Variants in CMTM7 observed in about 807,000 individuals in gnomAD.
The protein encoded by CMTM7 is CKLF like MARVEL transmembrane domain containing 7, also known as CKLF-like MARVEL transmembrane domain-containing protein 7.
Under a neutral mutation model 19.3 loss-of-function variants are expected in CMTM7, and 7 were observed. The ratio of observed to expected loss-of-function variants is 0.36; its 90% CI spans 0.21 to 0.68. The LOEUF is 0.68. Among genes scored for constraint, CMTM7 ranks in the 30% least tolerant of loss-of-function variants. The probability of loss-of-function intolerance (pLI) is 0.60; values close to 1 mark genes in which losing one functional copy is unlikely to be tolerated. For missense variants in CMTM7, 193 were observed against 232.6 expected (o/e 0.83, Z 1.11); for synonymous variants, 87 against 99.3 (o/e 0.88, Z 0.74).
chr3:32,396,509 AAAC>A (rs899721361), intron 1 of CMTM7, among the ~76,000 whole-genome samples: 12 of 152,140 alleles, frequency 7.9e-5, no homozygotes, highest in East Asian at 1.9e-4. Context: ...TCCGTCACAA[AAAC>A]AACAACAACA....
At chr3:32,401,516 C>T (rs959159707) in intron 1 of CMTM7, among the ~76,000 whole-genome samples, 2 of 152,258 alleles carry the variant, frequency 1.3e-5, no homozygotes, top group Non-Finnish European at 2.9e-5. Flanking sequence ...ACCCTGGAAT[C>T]CTAGGGGATT....
intron 2 of CMTM7, among the ~76,000 whole-genome samples, chr3:32,442,498 CAAAAAAAAAA>C (rs59568281): frequency 1.6e-4 from 13 of 80,044 alleles, no homozygotes; most frequent in South Asian, 5.4e-4. Flanking sequence ...AGACTCCTCT[CAAAAAAAAAA>C]AAAAAAAAAA....
chr3:32,430,736 C>G (rs1303732248), intron 1 of CMTM7, among the ~76,000 whole-genome samples: 2 of 97,668 alleles, frequency 2.0e-5, no homozygotes, highest in Non-Finnish European at 4.6e-5. Context: ...CCTGATGACC[C>G]TTTGCTTCTG....
chr3:32,401,230 C>T (rs979395675), intron 1 of CMTM7, among the ~76,000 whole-genome samples: 1 of 152,238 alleles, frequency 6.6e-6, no homozygotes, highest in Non-Finnish European at 1.5e-5. Context: ...TCCACTCTTG[C>T]GGAAGGCCTT....
At chr3:32,408,178 G>A (rs567777618) in intron 1 of CMTM7, among the ~76,000 whole-genome samples, 108 of 152,312 alleles carry the variant, frequency 7.1e-4, no homozygotes, top group Non-Finnish European at 1.2e-3. Flanking sequence ...CTGCTGATGC[G>A]TTGACTTCAG....
chr3:32,454,060 G>A (rs1260607744), intron 4 of CMTM7, among the ~76,000 whole-genome samples, 181 bp from the exon 5 acceptor site: 2 of 152,290 alleles, frequency 1.3e-5, no homozygotes, highest in East Asian at 1.9e-4. Context: ...CTGCACTACC[G>A]AAGTTTTTTC....
chr3:32,425,054 G>T (rs1317449565), intron 1 of CMTM7, among the ~76,000 whole-genome samples: 1 of 152,196 alleles, frequency 6.6e-6, no homozygotes, highest in African/African-American at 2.4e-5. Context: ...AGACCTTGCA[G>T]CCAGATGGAA....
At chr3:32,400,582 G>C (rs141917999) in intron 1 of CMTM7, among the ~76,000 whole-genome samples, 6 of 151,544 alleles carry the variant, frequency 4.0e-5, no homozygotes, top group African/African-American at 1.5e-4. Flanking sequence ...TAGTAGAGAC[G>C]GGGTTTCACC....
At chr3:32,422,061 C>T (rs1389541961) in intron 1 of CMTM7, among the ~76,000 whole-genome samples, 2 of 152,162 alleles carry the variant, frequency 1.3e-5, no homozygotes, top group Non-Finnish European at 2.9e-5. Context: ...GTTTGGCCTT[C>T]CTTCCTCTGA....
chr3:32,395,910 A>G lies in CMTM7; in HGVS notation c.159+3845A>G, dbSNP rs746538590. On this transcript the variant is annotated intron_variant, in intron 1 of 4. Coordinates refer to ENST00000334983, the MANE Select transcript of CMTM7 (RefSeq NM_138410.4). ...TCAAATGATGAATGTATAAACAGCA[A>G]CTAAAACTAAGTGCTACATTCATAC... Among the ~76,000 whole-genome samples the G allele has an allele frequency of 3.0e-4, 46 of 152,296 alleles. No individual in the cohort carries two copies. The East Asian group carries it at 5.2e-3, about 17-fold the overall frequency.
rs1696881049 is a variant in CMTM7 at position 32,454,457 on chromosome 3, CG to C, written c.*207del. The stretch of plus-strand genomic sequence containing the variant: ...GCCGGAAACTCTTCCTCCAGCCTTC[CG>C]GGGAGAACATCCCTCCCATTCTGGG... On this transcript the variant is annotated 3_prime_UTR_variant, in exon 5 of 5. Coordinates refer to ENST00000334983, the MANE Select transcript of CMTM7 (RefSeq NM_138410.4). 2 of 713,032 alleles carry C rather than the reference CG, an allele frequency of 2.8e-6. No individual in the cohort carries two copies. The highest frequency in any genetic ancestry group is 4.0e-5 in the Admixed American group (2 of 49,928). 44.2% of individuals were successfully genotyped at this position (713,032 alleles called of 1,614,324 possible). A position where few individuals can be genotyped will look rare whatever the true frequency, so the allele number is the denominator to read the frequency against.
intron 1 of CMTM7, among the ~76,000 whole-genome samples, chr3:32,410,627 A>G (rs997906256): frequency 6.6e-6 from 1 of 151,382 alleles, no homozygotes; most frequent in Non-Finnish European, 1.5e-5. Context: ...GAAAAGTCAC[A>G]GAGAGGCTAG....
intron 1 of CMTM7, among the ~76,000 whole-genome samples, chr3:32,436,516 C>G (rs546344282): frequency 5.3e-5 from 8 of 152,330 alleles, no homozygotes; most frequent in African/African-American, 1.9e-4. Context: ...ACTTTCTGAA[C>G]AAGCCTGGCT....
chr3:32,439,109 A>G (rs796405783), intron 1 of CMTM7, among the ~76,000 whole-genome samples: 60 of 152,362 alleles, frequency 3.9e-4, no homozygotes, highest in African/African-American at 1.4e-3. Flanking sequence ...AGCCCTGGCG[A>G]TCATGCACAC....
chr3:32,410,032 G>A (rs185041662), intron 1 of CMTM7, among the ~76,000 whole-genome samples: 2 of 152,106 alleles, frequency 1.3e-5, no homozygotes, highest in Non-Finnish European at 2.9e-5. Flanking sequence ...GTATTTTATA[G>A]TGAGGAAACA....
intron 1 of CMTM7, among the ~76,000 whole-genome samples, chr3:32,402,594 A>T (rs886999966): frequency 6.6e-6 from 1 of 152,146 alleles, no homozygotes; most frequent in African/African-American, 2.4e-5. Context: ...ACAGAGTCTC[A>T]CTTTGTCGCC....
Position 32,441,923 on chromosome 3 carries a change from C to G in CMTM7, c.243C>G (p.Thr81=). 6.2e-7 allele frequency: 1 copy of G among 1,614,178 alleles called. No individual in the cohort carries two copies. The highest frequency in any genetic ancestry group is 2.2e-5 in the East Asian group (1 of 44,872). The part of the protein sequence containing the change: ...YSAYSYFEVV[T]ICDLIMILAF... ...CCTACAGCTACTTTGAAGTGGTCAC[C>G]ATTTGCGACTTGATAATGATCCTCG... The change falls in exon 2 of 5, where the codon ACC becomes ACG. Residue 81 remains threonine (T), a synonymous_variant. Coordinates refer to ENST00000334983, the MANE Select transcript of CMTM7 (RefSeq NM_138410.4).
intron 1 of CMTM7, among the ~76,000 whole-genome samples, chr3:32,434,606 CTT>C (rs56672577): frequency 6.1e-3 from 350 of 57,676 alleles, no homozygotes; most frequent in African/African-American, 0.01. Flanking sequence ...CTTTTCTTTT[CTT>C]TTTTTTTTTT....
chr3:32,423,442 G>T (rs1472716433), intron 1 of CMTM7, among the ~76,000 whole-genome samples: 3 of 152,166 alleles, frequency 2.0e-5, no homozygotes, highest in African/African-American at 7.2e-5. Context: ...CTGCTCAGGG[G>T]TAGGGGCCGA....
Sources: gnomAD v4.1 joint callset for allele counts (sites outside exome capture counted in the v4.1 genomes callset) on GRCh38, gnomAD v4.1.1 for gene constraint, MANE v1.5 for transcripts, NCBI Gene and HGNC (gene_info 2026-07-23, HGNC 2026-07-21) for gene names.